The following PPP1R1C variants were observed in gnomAD, a reference collection of about 807,000 sequenced individuals.
PPP1R1C encodes the protein protein phosphatase 1 regulatory inhibitor subunit 1C, also known as protein phosphatase 1 regulatory subunit 1C.
PPP1R1C carries 15 observed loss-of-function variants against 17.4 expected under a neutral mutation model. The observed-to-expected ratio is 0.86, with a 90% confidence interval of 0.58 to 1.33. The LOEUF (loss-of-function observed/expected upper bound fraction) is 1.33. Ranked by LOEUF, PPP1R1C falls within the 40% of genes most tolerant of loss-of-function variation. The pLI is 0.00. For missense variants in PPP1R1C, 143 were observed against 130.0 expected, an observed-to-expected ratio of 1.10 and a Z score of -0.48; for synonymous variants, 35 against 43.1, an observed-to-expected ratio of 0.81 and a Z score of 0.73.
At chr2:181,994,768 A>G (rs993879299) in intron 2 of PPP1R1C, among the ~76,000 whole-genome samples, 3 of 152,216 alleles carry the variant, frequency 2.0e-5, no homozygotes, top group Non-Finnish European at 4.4e-5. Flanking sequence ...GTACCATGAT[A>G]CAATTGTAAT....
intron 2 of PPP1R1C, among the ~76,000 whole-genome samples, chr2:182,050,547 A>C (rs1324960249): frequency 2.0e-5 from 3 of 152,150 alleles, no homozygotes; most frequent in Non-Finnish European, 4.4e-5. Flanking sequence ...TCTGAACAGC[A>C]TGTCAGGACT....
At chr2:182,110,638 C>T (rs1689389285) in intron 4 of PPP1R1C, among the ~76,000 whole-genome samples, 1 of 152,162 alleles carries the variant, frequency 6.6e-6, no homozygotes, top group African/African-American at 2.4e-5. Flanking sequence ...GTAAAAGAAA[C>T]ACACACAACA....
At chr2:182,012,833 C>T (rs1161248886) in intron 2 of PPP1R1C, among the ~76,000 whole-genome samples, 1 of 152,012 alleles carries the variant, frequency 6.6e-6, no homozygotes, top group African/African-American at 2.4e-5. Flanking sequence ...TTATTTTAAG[C>T]TGATGACAAC....
intron 2 of PPP1R1C, among the ~76,000 whole-genome samples, chr2:181,994,144 G>A (rs926037008): frequency 6.6e-5 from 10 of 151,932 alleles, no homozygotes; most frequent in South Asian, 6.2e-4. Context: ...TATAATTTTT[G>A]TGGAATATGA....
intron 4 of PPP1R1C, among the ~76,000 whole-genome samples, chr2:182,081,737 T>C (rs1268518289): frequency 1.3e-5 from 2 of 152,228 alleles, no homozygotes; most frequent in Non-Finnish European, 2.9e-5. Context: ...AGGAATTACA[T>C]TAACTATGTC....
chr2:182,067,260 G>A (rs2125201739), intron 4 of PPP1R1C, among the ~76,000 whole-genome samples: 1 of 151,280 alleles, frequency 6.6e-6, no homozygotes, highest in African/African-American at 2.4e-5. Flanking sequence ...ACAGACTTCT[G>A]ATATGTCAAA....
chr2:181,997,400 A>G (rs966412392), intron 2 of PPP1R1C, among the ~76,000 whole-genome samples: 1 of 152,158 alleles, frequency 6.6e-6, no homozygotes, highest in African/African-American at 2.4e-5. Flanking sequence ...CTGACTTACA[A>G]AAGAGGCCTG....
At chr2:182,040,133 T>C (rs1279178988) in intron 2 of PPP1R1C, among the ~76,000 whole-genome samples, 1 of 152,214 alleles carries the variant, frequency 6.6e-6, no homozygotes, top group Admixed American at 6.5e-5. Context: ...GGGTGCTTTT[T>C]GATATATTCA....
chr2:182,130,719 G>T (rs1375746037), downstream of PPP1R1C: 1 of 152,100 alleles, frequency 6.6e-6, no homozygotes, highest in Non-Finnish European at 1.5e-5. Flanking sequence ...ATTATATGTT[G>T]CTCTCTTCTT....
intron 2 of PPP1R1C, among the ~76,000 whole-genome samples, chr2:181,989,711 G>C (rs1187990643): frequency 2.6e-5 from 4 of 151,078 alleles, no homozygotes; most frequent in Non-Finnish European, 5.9e-5. Flanking sequence ...TTCTCTAATT[G>C]ACCTCATACT....
At chr2:182,103,294 TTTTG>T (rs1689152520) in intron 4 of PPP1R1C, among the ~76,000 whole-genome samples, 1 of 152,236 alleles carries the variant, frequency 6.6e-6, no homozygotes, top group Non-Finnish European at 1.5e-5. Flanking sequence ...TAAGCAAGAA[TTTTG>T]TTTAATATTT....
At chr2:182,125,211 G>T (rs1430535710) in intron 5 of PPP1R1C, among the ~76,000 whole-genome samples, 1 of 152,120 alleles carries the variant, frequency 6.6e-6, no homozygotes, top group Non-Finnish European at 1.5e-5. Flanking sequence ...TTATTGATTT[G>T]TGTATGTTGA....
chr2:182,015,423 C>T (rs1328454740), intron 2 of PPP1R1C, among the ~76,000 whole-genome samples: 1 of 152,022 alleles, frequency 6.6e-6, no homozygotes, highest in African/African-American at 2.4e-5. Flanking sequence ...TTATAATTAC[C>T]CAGTCTCTGT....
intron 2 of PPP1R1C, among the ~76,000 whole-genome samples, chr2:182,014,735 G>T (rs573143694): frequency 5.3e-5 from 8 of 151,930 alleles, no homozygotes; most frequent in Non-Finnish European, 1.2e-4. Context: ...TTCTACTGTG[G>T]CTGAGCTAGC....
downstream of PPP1R1C, among the ~76,000 whole-genome samples, chr2:182,122,212 G>T (rs948918487): frequency 7.2e-6 from 1 of 138,348 alleles, no homozygotes; most frequent in Non-Finnish European, 1.5e-5. Flanking sequence ...CAAGGTAAGG[G>T]TATTTATAAA....
chr2:182,053,373 T>C (rs1167551301), intron 2 of PPP1R1C, among the ~76,000 whole-genome samples: 1 of 152,230 alleles, frequency 6.6e-6, no homozygotes, highest in East Asian at 1.9e-4. Flanking sequence ...TCTTATTCAT[T>C]GATAAAATAA....
downstream of PPP1R1C, among the ~76,000 whole-genome samples, chr2:182,119,256 T>TA (rs1244368167): frequency 6.6e-6 from 1 of 152,076 alleles, no homozygotes; most frequent in Non-Finnish European, 1.5e-5. Context: ...TATGGCTGCA[T>TA]AGTATTCCAT....
At chr2:182,066,144 TAGTG>T (rs1687976883) in intron 4 of PPP1R1C, among the ~76,000 whole-genome samples, 1 of 152,116 alleles carries the variant, frequency 6.6e-6, no homozygotes, top group Non-Finnish European at 1.5e-5. Context: ...TGTTGGCAAA[TAGTG>T]AGCTGACTAT....
At chr2:181,984,445 T>C (rs1685251542), upstream of PPP1R1C, among the ~76,000 whole-genome samples, 1 of 152,256 alleles carries the variant, frequency 6.6e-6, no homozygotes, top group South Asian at 2.1e-4. Context: ...GATATCAATT[T>C]AGATTTTATT....
Sources: gnomAD v4.1 joint callset for allele counts (sites outside exome capture counted in the v4.1 genomes callset) on GRCh38, gnomAD v4.1.1 for gene constraint, MANE v1.5 for transcripts, NCBI Gene and HGNC (gene_info 2026-07-23, HGNC 2026-07-21) for gene names.